CCDC183: variants seen among roughly 807,000 people sequenced by gnomAD.
The protein encoded by CCDC183 is coiled-coil domain containing 183.
Under a neutral mutation model 65.2 loss-of-function variants are expected in CCDC183, and 63 were observed. The ratio of observed to expected loss-of-function variants is 0.97; its 90% confidence interval spans 0.79 to 1.19. The LOEUF is 1.19. Ranked by LOEUF, CCDC183 falls within the 50% of genes most tolerant of loss-of-function variation. The pLI is 0.00. For missense variants in CCDC183, 769 were observed against 689.3 expected (o/e 1.12, Z -1.30); for synonymous variants, 323 against 276.5 (o/e 1.17, Z -1.67).
At chr9:136,799,585 C>T (rs1173263920) in intron 2 of CCDC183, 128 bp from the exon 3 acceptor site, 2 of 829,612 alleles carry the variant, frequency 2.4e-6, no homozygotes, top group Admixed American at 2.3e-5. Flanking sequence ...CTCTGCTCCT[C>T]GTGGAAGCAG....
chr9:136,807,072 G>C lies in CCDC183; in HGVS notation c.1486+6G>C. 6.2e-7 allele frequency: 1 copy of C among 1,612,798 alleles called. No individual in the cohort carries two copies. The highest frequency in any genetic ancestry group is 8.5e-7 in the Non-Finnish European group (1 of 1,179,904). ...CCGGGAGGAGGATATGATCGGTACA[G>C]GCCCCGGAACTGGGGCCCGGGCTGC... On this transcript the variant is annotated splice_donor_region_variant and intron_variant, in intron 13 of 13. Transcript: ENST00000338005.
chr9:136,800,724 T>G (rs1236022297), intron 5 of CCDC183: 10 of 541,788 alleles, frequency 1.8e-5, no homozygotes, highest in Non-Finnish European at 2.6e-5. Context: ...TTCTTGCACG[T>G]ATTAAATGAT....
chr9:136,806,373 AC>A, intron 10 of CCDC183, 130 bp from the exon 11 acceptor site: 4 of 1,390,608 alleles, frequency 2.9e-6, no homozygotes, highest in Non-Finnish European at 4.0e-6. Context: ...AGGGGACTCC[AC>A]TTGCACACAC....
In CCDC183 at chr9:136,799,801, A is replaced by T; in HGVS notation, c.270+11A>T. On this transcript the variant is annotated intron_variant, in intron 3 of 13. Transcript: ENST00000338005. ...CGCAGCACCATGGAGGTAACCAGGC[A>T]GGAGGGGCCTCGAGACCCAACCCTC... The T allele has an allele frequency of 6.2e-7, 1 of 1,611,598 alleles. No homozygotes were observed. Among genetic ancestry groups the T allele is most frequent in the Non-Finnish European group, 8.5e-7 (1 of 1,178,966 alleles).
In CCDC183 at chr9:136,799,218, A is replaced by G; in HGVS notation, c.187A>G (p.Lys63Glu). The change falls in exon 2 of 14, where the codon AAG becomes GAG. Residue 63 changes from lysine to glutamate, a missense_variant. Transcript: ENST00000338005. Reference protein sequence around the residue: ...RRGAQDWALAKKYDQWTISKA... With the variant: ...RRGAQDWALAEKYDQWTISKA... The stretch of plus-strand genomic sequence containing the variant: ...CGGGGCCCAGGACTGGGCTTTGGCC[A>G]AGAAGGTACACAAACGCCGCCCCTC... 2.5e-6 allele frequency: 4 copies of G among 1,601,972 alleles called. No homozygotes were observed. Among genetic ancestry groups the G allele is most frequent in the Non-Finnish European group, 3.4e-6 (4 of 1,174,766 alleles).
At chr9:136,802,617 C>G (rs1847753726) in intron 5 of CCDC183, 47 bp from the exon 6 acceptor site, 4 of 1,563,622 alleles carry the variant, frequency 2.6e-6, no homozygotes, top group Non-Finnish European at 3.5e-6. Context: ...CTCGGGGCAA[C>G]TGCAGCCCAC....
rs142618065 is a variant in CCDC183, at chr9:136,805,621, G to C, written c.948+164G>C. The C allele has an allele frequency of 8.3e-6, 5 of 603,146 alleles. No homozygotes were observed. The African/African-American group carries it at 9.2e-5, about 11-fold the overall frequency. 37.4% of individuals were successfully genotyped at this position (603,146 alleles called of 1,614,324 possible). A position where few individuals can be genotyped will look rare whatever the true frequency, so the allele number is the denominator to read the frequency against. On this transcript the variant is annotated intron_variant, in intron 9 of 13. Transcript: ENST00000338005. Reference sequence around the variant, plus strand: ...ACACAAAGTGGCAACTCCCTCGGCCGCCCCAAATCCTTTTATCTTAATCCC... The same window carrying C: ...ACACAAAGTGGCAACTCCCTCGGCCCCCCCAAATCCTTTTATCTTAATCCC...
At chr9:136,806,278 T>C in intron 10 of CCDC183, 40 bp downstream of exon 10, 1 of 1,561,600 alleles carries the variant, frequency 6.4e-7, no homozygotes, top group East Asian at 2.4e-5. Flanking sequence ...CCCACCCCAG[T>C]CTCACAAAGG....
chr9:136,805,825 C>T (rs1163300883), intron 9 of CCDC183, among the ~76,000 whole-genome samples: 3 of 152,150 alleles, frequency 2.0e-5, no homozygotes, highest in African/African-American at 7.2e-5. Flanking sequence ...TGTGCAATGA[C>T]ATCCACAAAG....
At chr9:136,801,620 C>A (rs1220497917) in intron 5 of CCDC183, among the ~76,000 whole-genome samples, 1 of 151,692 alleles carries the variant, frequency 6.6e-6, no homozygotes, top group Non-Finnish European at 1.5e-5. Flanking sequence ...GCACGAGAAT[C>A]ACCTGAACCC....
At chr9:136,803,282 T>C (rs2784099) in intron 6 of CCDC183, among the ~76,000 whole-genome samples, 15,969 of 37,598 alleles carry the variant, frequency 0.42, 4,779 homozygotes, top group South Asian at 0.49. Context: ...GGCCCAGGGC[T>C]GGGGCCCCCC....
At position 136,800,557 on chromosome 9, in the gene CCDC183, C is replaced by T. The variant is rs375646781; in HGVS notation, c.543+64C>T. The T allele has an allele frequency of 1.1e-4, 139 of 1,276,550 alleles. No homozygotes were observed. In the African/African-American group the frequency reaches 1.7e-3, roughly 16 times the overall value. 79.1% of individuals were successfully genotyped at this position (1,276,550 alleles called of 1,614,324 possible). A position where few individuals can be genotyped will look rare whatever the true frequency, so the allele number is the denominator to read the frequency against. On this transcript the variant is annotated intron_variant, in intron 5 of 13. Transcript: ENST00000338005. ...TGGGATCTGGGAGGGGCGGGAGCGT[C>T]CTGGGGCGGAGCCGCCCCGCACCCG...
At chr9:136,805,568 C>A in intron 9 of CCDC183, 111 bp downstream of exon 9, 1 of 1,000,078 alleles carries the variant, frequency 1.0e-6, no homozygotes, top group Non-Finnish European at 1.5e-6. Flanking sequence ...CTGAGCTGGG[C>A]TGGGGTCTGA....
chr9:136,797,251 C>G (rs1847661575), intron 1 of CCDC183, among the ~76,000 whole-genome samples: 1 of 152,112 alleles, frequency 6.6e-6, no homozygotes, highest in Admixed American at 6.6e-5. Flanking sequence ...GATAAAGATT[C>G]CTTTGCTCAC....
rs1388023069 is a variant in CCDC183, at chr9:136,800,377, G to A, written c.439-12G>A. On this transcript the variant is annotated splice_polypyrimidine_tract_variant and intron_variant, in intron 4 of 13. Transcript: ENST00000338005. ...CCCCACGCCCTCTCACTGCGCCCTC[G>A]GTCCGCCCCAGATCATCCGCCAGCT... 1.9e-6 allele frequency: 3 copies of A among 1,603,220 alleles called. No individual in the cohort carries two copies. The highest frequency in any genetic ancestry group is 1.7e-4 in the Middle Eastern group (1 of 6,046).
At chr9:136,799,006 G>A (rs1588329782) in intron 1 of CCDC183, 96 bp from the exon 2 acceptor site, 3 of 928,164 alleles carry the variant, frequency 3.2e-6, no homozygotes, top group South Asian at 4.2e-5. Context: ...TGGACCCTGG[G>A]GCCTGGGGCC....
In CCDC183 at chr9:136,799,922, C is replaced by G; in HGVS notation, c.271-80C>G. The stretch of plus-strand genomic sequence containing the variant: ...AGGTTCCCTGTGGGGTTGCCACGAG[C>G]CTCCACCCGCCCGCCTGCTGGCGGG... On this transcript the variant is annotated intron_variant, in intron 3 of 13. Transcript: ENST00000338005. 3 of 1,528,092 alleles carry G rather than the reference C, an allele frequency of 2.0e-6. No individual in the cohort carries two copies. The South Asian group carries it at 3.6e-5, about 18-fold the overall frequency. The allele number at this position is 1,528,092 out of a possible 1,614,324, so 94.7% of individuals were successfully genotyped here. A position where few individuals can be genotyped will look rare whatever the true frequency, so the allele number is the denominator to read the frequency against.
Position 136,800,167 on chromosome 9 carries a change from C to T in CCDC183, c.436C>T (p.Gln146Ter). Reference protein sequence around the residue: ...DASKEELRLLQIIRQLENNIE... With the variant: ...DASKEELRLL ...CAGCAAGGAGGAGCTGCGGCTGCTG[C>T]AGGTGGAGAGGCGGGGCTGGGAGGG... The change falls in exon 4 of 14, where the codon CAG (glutamine) becomes TAG (stop). Residue 146 changes from glutamine to a stop codon, truncating the protein, a stop_gained and splice_region_variant. Coordinates refer to ENST00000338005, the MANE Select transcript of CCDC183 (RefSeq NM_001039374.5). LOFTEE classifies it high-confidence loss of function. 8.2e-7 allele frequency: 1 copy of T among 1,224,758 alleles called. No individual in the cohort carries two copies. The highest frequency in any genetic ancestry group is 2.4e-5 in the Admixed American group (1 of 41,722). The allele number at this position is 1,224,758 out of a possible 1,614,324, so 75.9% of individuals were successfully genotyped here. A position where few individuals can be genotyped will look rare whatever the true frequency, so the allele number is the denominator to read the frequency against.
chr9:136,798,111 T>C (rs1250628271), intron 1 of CCDC183, among the ~76,000 whole-genome samples: 1 of 152,142 alleles, frequency 6.6e-6, no homozygotes, highest in Admixed American at 6.5e-5. Flanking sequence ...GTTCAAGTGA[T>C]TCTCCTGCCT....
Sources: gnomAD v4.1 joint callset for allele counts (sites outside exome capture counted in the v4.1 genomes callset) on GRCh38, gnomAD v4.1.1 for gene constraint, MANE v1.5 for transcripts, NCBI Gene and HGNC (gene_info 2026-07-23, HGNC 2026-07-21) for gene names.